KIRREL3: variants seen among roughly 807,000 people sequenced by gnomAD.
KIRREL3 encodes the protein kin of IRRE-like protein 3.
Under a neutral mutation model 89.7 loss-of-function variants are expected in KIRREL3, and 36 were observed. The observed-to-expected ratio is 0.40, with a 90% CI of 0.31 to 0.53. The LOEUF is 0.53. Among genes scored for constraint, KIRREL3 ranks in the 20% least tolerant of loss-of-function variants. KIRREL3 has a pLI of 0.49. For synonymous variants in KIRREL3, 445 were observed against 441.4 expected (o/e 1.01, Z -0.10); for missense variants, 864 against 1,056.6 (o/e 0.82, Z 2.53).
chr11:126,545,050 G>T (rs1938693550), intron 2 of KIRREL3, among the ~76,000 whole-genome samples: 1 of 152,174 alleles, frequency 6.6e-6, no homozygotes, highest in South Asian at 2.1e-4. Flanking sequence ...CAGTTTATCT[G>T]CTTCATATTT....
At chr11:126,825,066 G>A (rs1943360307) in intron 1 of KIRREL3, among the ~76,000 whole-genome samples, 1 of 152,118 alleles carries the variant, frequency 6.6e-6, no homozygotes, top group Non-Finnish European at 1.5e-5. Flanking sequence ...TTAGTGATTT[G>A]GGGGTCCTGA....
Position 126,475,426 on chromosome 11 carries a change from A to G in KIRREL3, c.434-1960T>C, listed in dbSNP as rs1003928284. Among the ~76,000 whole-genome samples, 2 of 152,126 alleles carry G rather than the reference A, an allele frequency of 1.3e-5. No homozygotes were observed. Among genetic ancestry groups the G allele is most frequent in the Non-Finnish European group, 2.9e-5 (2 of 68,002 alleles). On this transcript the variant is annotated intron_variant, in intron 4 of 16. Transcript: ENST00000525144. The surrounding 1 kb of genome is among the most constrained non-coding windows in gnomAD (Gnocchi z 7.5). ...AGAAGCCAAGAAGCAAACCTTCAGA[A>G]CAGCTGCCTTGCCCTCCCTGCCCGG...
In KIRREL3 at chr11:126,843,483, G is replaced by A. The variant is rs1944031507; in HGVS notation, c.55+156972C>T. Reference sequence around the variant, plus strand: ...AAAGTCCTGCTTTCAATTGTGATCTGCCCAGTCTCGTCCCACAGAGACTTC... The same window carrying A: ...AAAGTCCTGCTTTCAATTGTGATCTACCCAGTCTCGTCCCACAGAGACTTC... On this transcript the variant is annotated intron_variant, in intron 1 of 16. Transcript: ENST00000525144. The surrounding 1 kb of genome is among the most constrained non-coding windows in gnomAD (Gnocchi z 4.6). Among the ~76,000 whole-genome samples the A allele has an allele frequency of 6.6e-6, 1 of 152,106 alleles. No homozygotes were observed. Among genetic ancestry groups the A allele is most frequent in the Non-Finnish European group, 1.5e-5 (1 of 68,024 alleles).
intron 1 of KIRREL3, among the ~76,000 whole-genome samples, chr11:126,762,170 CATAAA>C (rs756363377): frequency 1.2e-4 from 18 of 151,278 alleles, no homozygotes; most frequent in South Asian, 4.2e-4. Context: ...GTGAGACTGT[CATAAA>C]TAAATAAATA....
chr11:126,485,980 G>A lies in KIRREL3; in HGVS notation c.434-12514C>T, dbSNP rs1247351928. Among the ~76,000 whole-genome samples the A allele has an allele frequency of 1.3e-5, 2 of 152,228 alleles. No individual in the cohort carries two copies. The highest frequency in any genetic ancestry group is 4.8e-5 in the African/African-American group (2 of 41,452). On this transcript the variant is annotated intron_variant, in intron 4 of 16. Transcript: ENST00000525144. This position sits in a 1 kb window ranked among gnomAD's most constrained non-coding sequence, Gnocchi z 5.8. ...GTCAAAGTCAGCAGTGGCTTGGTTCGCTCCTTAAATTAGGAAGGGTGAATG... is the reference window on the plus strand; with the variant it reads ...GTCAAAGTCAGCAGTGGCTTGGTTCACTCCTTAAATTAGGAAGGGTGAATG...
At chr11:126,986,255 AT>A (rs994398473) in intron 1 of KIRREL3, among the ~76,000 whole-genome samples, 10 of 151,662 alleles carry the variant, frequency 6.6e-5, no homozygotes, top group Non-Finnish European at 1.0e-4. Context: ...TGATGAGAAC[AT>A]TTTTTTTTAT....
chr11:126,777,879 C>T (rs989223136), intron 1 of KIRREL3, among the ~76,000 whole-genome samples: 1 of 152,040 alleles, frequency 6.6e-6, no homozygotes, highest in East Asian at 1.9e-4. Context: ...TCGTTGTATA[C>T]CTGGTACCTT....
intron 1 of KIRREL3, among the ~76,000 whole-genome samples, chr11:126,711,461 C>T (rs764349804): frequency 1.3e-5 from 2 of 152,078 alleles, no homozygotes; most frequent in Non-Finnish European, 2.9e-5. Context: ...ACTTGGGAGG[C>T]TGAGGCATGA....
At chr11:126,915,221 T>G (rs1225106401) in intron 1 of KIRREL3, among the ~76,000 whole-genome samples, 1 of 152,224 alleles carries the variant, frequency 6.6e-6, no homozygotes, top group Non-Finnish European at 1.5e-5. Context: ...AGTATGTTTC[T>G]GATTCCTTTA....
rs189325608 is a variant in KIRREL3 at position 126,907,330 on chromosome 11, A to G, written c.55+93125T>C. Among the ~76,000 whole-genome samples the G allele has an allele frequency of 6.0e-3, 912 of 152,278 alleles. 1 individual carries two copies. The highest frequency in any genetic ancestry group is 0.012 in the Admixed American group (179 of 15,300). ...TTTTATCAGATCATGATCTGTGTCA[A>G]ATATAGTTATGAGTATTTTCATCAA... On this transcript the variant is annotated intron_variant, in intron 1 of 16. Transcript: ENST00000525144.
At chr11:126,950,879 C>A (rs1948756128) in intron 1 of KIRREL3, among the ~76,000 whole-genome samples, 1 of 152,190 alleles carries the variant, frequency 6.6e-6, no homozygotes, top group Non-Finnish European at 1.5e-5. Flanking sequence ...TTAATCCTCC[C>A]AAATAAAGGG....
At chr11:126,583,013 G>A (rs1312130829) in intron 1 of KIRREL3, among the ~76,000 whole-genome samples, 1 of 151,310 alleles carries the variant, frequency 6.6e-6, no homozygotes, top group Non-Finnish European at 1.5e-5. Flanking sequence ...GATGGACACT[G>A]CTATCTGTTC....
In KIRREL3 at chr11:126,535,834, AATTAGCGGG is replaced by A. The variant is rs1412822322; in HGVS notation, c.134-9156_134-9148del. Among the ~76,000 whole-genome samples the A allele has an allele frequency of 5.3e-5, 8 of 152,102 alleles. No homozygotes were observed. Among genetic ancestry groups the A allele is most frequent in the Non-Finnish European group, 8.8e-5 (6 of 68,030 alleles). ...ACCCCGTCTCTACTAAAAATACAAA[AATTAGCGGG>A]ACATGGTGGTGCGTGCCTGTAATCC... On this transcript the variant is annotated intron_variant, in intron 2 of 16. Coordinates refer to ENST00000525144, the MANE Select transcript of KIRREL3 (RefSeq NM_032531.4). This position sits in a 1 kb window ranked among gnomAD's most constrained non-coding sequence, Gnocchi z 4.5.
Position 126,683,820 on chromosome 11 carries a change from A to G in KIRREL3, c.56-120908T>C, listed in dbSNP as rs1946562936. ...GGGATGCAAACTGCTTATGTGGTAG[A>G]AACAGGAAGCCGTCTTGAAACCCTC... On this transcript the variant is annotated intron_variant, in intron 1 of 16. Coordinates refer to ENST00000525144, the MANE Select transcript of KIRREL3 (RefSeq NM_032531.4). This position sits in a 1 kb window ranked among gnomAD's most constrained non-coding sequence, Gnocchi z 5.2. 6.6e-6 allele frequency among the ~76,000 whole-genome samples: 1 copy of G among 152,200 alleles called. No homozygotes were observed. Among genetic ancestry groups the G allele is most frequent in the South Asian group, 2.1e-4 (1 of 4,832 alleles).
chr11:126,435,328 T>A, intron 12 of KIRREL3, 25 bp from the exon 13 acceptor site: 1 of 1,597,498 alleles, frequency 6.3e-7, no homozygotes, highest in Non-Finnish European at 8.5e-7. Context: ...AGCAAGCGTC[T>A]ACAGCCAGGG....
At position 126,535,142 on chromosome 11, in the gene KIRREL3, G is replaced by A. The variant is rs1278403703; in HGVS notation, c.134-8455C>T. On this transcript the variant is annotated intron_variant, in intron 2 of 16. Transcript: ENST00000525144. This position sits in a 1 kb window ranked among gnomAD's most constrained non-coding sequence, Gnocchi z 4.5. ...GATGGCATCCTCAGATCAGTGGTGG[G>A]GCTGGATGTCTTCCCCAGTTGTTTC... is the stretch of plus-strand genomic sequence containing the variant. 6.6e-6 allele frequency among the ~76,000 whole-genome samples: 1 copy of A among 151,960 alleles called. No homozygotes were observed. Among genetic ancestry groups the A allele is most frequent in the Non-Finnish European group, 1.5e-5 (1 of 67,992 alleles).
At position 126,508,716 on chromosome 11, in the gene KIRREL3, C is replaced by G. The variant is rs1253614017; in HGVS notation, c.433+12599G>C. 6.6e-6 allele frequency among the ~76,000 whole-genome samples: 1 copy of G among 152,182 alleles called. No individual in the cohort carries two copies. The highest frequency in any genetic ancestry group is 2.1e-4 in the South Asian group (1 of 4,832). Reference sequence around the variant, plus strand: ...CCAGAAGCGACTGCATTCAGATTCTCGTTCTTTACCTTTCTTGTGTGTGAC... The same window carrying G: ...CCAGAAGCGACTGCATTCAGATTCTGGTTCTTTACCTTTCTTGTGTGTGAC... On this transcript the variant is annotated intron_variant, in intron 4 of 16. Transcript: ENST00000525144. The surrounding 1 kb of genome is among the most constrained non-coding windows in gnomAD (Gnocchi z 4.9).
intron 15 of KIRREL3, among the ~76,000 whole-genome samples, chr11:126,426,855 A>G (rs1024351215): frequency 1.3e-5 from 2 of 152,228 alleles, no homozygotes; most frequent in Non-Finnish European, 2.9e-5. Flanking sequence ...TTTTTCCAGT[A>G]AATGCTCTGG....
At chr11:126,732,436 T>C (rs951677733) in intron 1 of KIRREL3, among the ~76,000 whole-genome samples, 4 of 152,200 alleles carry the variant, frequency 2.6e-5, no homozygotes, top group Admixed American at 6.5e-5. Context: ...CAATGCTTCA[T>C]TGTTAGCTGG....
Sources: gnomAD v4.1 joint callset for allele counts (sites outside exome capture counted in the v4.1 genomes callset) on GRCh38, gnomAD v4.1.1 for gene constraint, Gnocchi (gnomAD v3.1) non-coding constraint, MANE v1.5 for transcripts, NCBI Gene and HGNC (gene_info 2026-07-23, HGNC 2026-07-21) for gene names.